The following CCDC77 variants were observed in gnomAD, a reference collection of about 807,000 sequenced individuals.
The protein encoded by CCDC77 is coiled-coil domain containing 77.
In CCDC77, 56 loss-of-function variants were observed where a neutral mutation model predicts 66.8. The observed-to-expected ratio is 0.84, with a 90% CI of 0.68 to 1.05. The LOEUF is 1.05. CCDC77 is among the 50% of genes least tolerant of loss of function. The pLI, the probability that CCDC77 is intolerant of heterozygous loss-of-function variation, is 0.00. For synonymous variants in CCDC77, 196 were observed against 195.2 expected (o/e 1.00, Z -0.03); for missense variants, 570 against 576.8 (o/e 0.99, Z 0.12).
intron 3 of CCDC77, among the ~76,000 whole-genome samples, chr12:410,690 C>T (rs150225089): frequency 0.036 from 5,453 of 151,282 alleles, 278 homozygotes; most frequent in African/African-American, 0.12. Context: ...GGATTACACA[C>T]GCGTGCCACC....
upstream of CCDC77, among the ~76,000 whole-genome samples, chr12:401,254 G>T (rs575734739): frequency 6.6e-5 from 10 of 152,328 alleles, no homozygotes; most frequent in African/African-American, 2.4e-4. Context: ...ACTTTTCTTA[G>T]AATCTTTATC....
At chr12:410,246 CTCT>C (rs1591965031) in intron 3 of CCDC77, among the ~76,000 whole-genome samples, 2 of 148,790 alleles carry the variant, frequency 1.3e-5, no homozygotes, top group African/African-American at 2.5e-5. Context: ...AGGAGGGTTT[CTCT>C]TCTTCTGTAC....
intron 9 of CCDC77, among the ~76,000 whole-genome samples, chr12:434,662 C>G (rs529137973): frequency 6.6e-6 from 1 of 152,164 alleles, no homozygotes; most frequent in Non-Finnish European, 1.5e-5. Flanking sequence ...TACCTCTTAA[C>G]TTCTGAGACC....
chr12:409,998 A>C (rs890116060), intron 3 of CCDC77, among the ~76,000 whole-genome samples: 1 of 140,162 alleles, frequency 7.1e-6, no homozygotes, highest in Admixed American at 7.2e-5. Flanking sequence ...ACTCCATCTC[A>C]AAAAAAAAAA....
rs546331502 is a variant in CCDC77 at position 434,840 on chromosome 12, G to A, written c.821+1518G>A. ...TTCACCCTTTTGCCTGGTTCCAGTGGCCAGACCTATGCCATAAGGACATCC... is the reference window on the plus strand; with the variant it reads ...TTCACCCTTTTGCCTGGTTCCAGTGACCAGACCTATGCCATAAGGACATCC... On this transcript the variant is annotated intron_variant, in intron 9 of 12. Coordinates refer to ENST00000239830, the MANE Select transcript of CCDC77 (RefSeq NM_032358.4). Among the ~76,000 whole-genome samples, 3 of 152,290 alleles carry A rather than the reference G, an allele frequency of 2.0e-5. No homozygotes were observed. In the East Asian group the frequency reaches 5.8e-4, roughly 29 times the overall value.
At chr12:402,876 T>C (rs902975718) in intron 1 of CCDC77, among the ~76,000 whole-genome samples, 3 of 152,142 alleles carry the variant, frequency 2.0e-5, no homozygotes, top group African/African-American at 7.2e-5. Flanking sequence ...AGTTGCCAAC[T>C]CCCGGTTGCT....
Position 423,470 on chromosome 12 carries a change from G to GTGTTTTTTT in CCDC77, c.413+4835_413+4836insGTTTTTTTT, listed in dbSNP as rs1565572116. Among the ~76,000 whole-genome samples the GTGTTTTTTT allele has an allele frequency of 3.1e-4, 14 of 44,876 alleles. 3 individuals carry two copies. The East Asian group carries it at 4.5e-3, about 15-fold the overall frequency. 29.4% of individuals were successfully genotyped at this position (44,876 alleles called of 152,430 possible). A position where few individuals can be genotyped will look rare whatever the true frequency, so the allele number is the denominator to read the frequency against. ...TTGTTATTTTCTGGGTGTTTTTTGT[G>GTGTTTTTTT]TTTTTTGTGTTTTTTTTTGTTTTGT... On this transcript the variant is annotated intron_variant, in intron 5 of 12. Coordinates refer to ENST00000239830, the MANE Select transcript of CCDC77 (RefSeq NM_032358.4).
chr12:401,542 C>T (rs1944894765), upstream of CCDC77: 1 of 152,274 alleles, frequency 6.6e-6, no homozygotes, highest in African/African-American at 2.4e-5. Flanking sequence ...TGTGAAGGCC[C>T]TTCCCATTGG....
chr12:439,658 T>G (rs949311393), intron 10 of CCDC77, among the ~76,000 whole-genome samples: 2 of 151,618 alleles, frequency 1.3e-5, no homozygotes, highest in African/African-American at 4.9e-5. Context: ...CGGACACCTG[T>G]AATCCCAGCT....
chr12:399,290 G>A (rs2369278), upstream of CCDC77, among the ~76,000 whole-genome samples: 106,376 of 151,878 alleles, frequency 0.7, 37,760 homozygotes, highest in Admixed American at 0.8. Flanking sequence ...TCCTGCCTCA[G>A]CCTCCTGAGT....
At chr12:395,171 T>A (rs775821923) in intron 1 of CCDC77, 5 of 152,222 alleles carry the variant, frequency 3.3e-5, no homozygotes, top group Non-Finnish European at 7.3e-5. Context: ...CTCAAACTTC[T>A]GGGCTGAAGC....
chr12:413,810 T>A (rs1277365397), intron 4 of CCDC77, among the ~76,000 whole-genome samples: 2 of 151,316 alleles, frequency 1.3e-5, no homozygotes, highest in Middle Eastern at 3.4e-3. Context: ...TGTATTTTAG[T>A]AGAGGCAGGG....
chr12:391,372 T>C (rs1237300276), intron 1 of CCDC77, among the ~76,000 whole-genome samples: 1 of 152,054 alleles, frequency 6.6e-6, no homozygotes, highest in Non-Finnish European at 1.5e-5. Flanking sequence ...GGAGAATTGC[T>C]TGAACCCAGG....
At chr12:430,235 C>T (rs576175849) in intron 6 of CCDC77, among the ~76,000 whole-genome samples, 16 of 152,118 alleles carry the variant, frequency 1.1e-4, no homozygotes, top group Non-Finnish European at 1.6e-4. Flanking sequence ...TCAGGTGATC[C>T]GCCCACCTTG....
chr12:418,979 G>A (rs1248110526), intron 5 of CCDC77: 4 of 218,688 alleles, frequency 1.8e-5, no homozygotes, highest in South Asian at 1.7e-4. Flanking sequence ...GATTACAAGC[G>A]TGAACCACCA....
chr12:416,369 G>GTA (rs1945271698), intron 4 of CCDC77, among the ~76,000 whole-genome samples: 4 of 29,326 alleles, frequency 1.4e-4, no homozygotes, highest in African/African-American at 4.3e-4. Context: ...GTGTGTGTGT[G>GTA]TGTGTGTGTA....
At position 415,305 on chromosome 12, in the gene CCDC77, A is replaced by ATTATGTTAATATAATCAAC. The variant is rs1565567834; in HGVS notation, c.271-3189_271-3188insTTATGTTAATATAATCAAC. On this transcript the variant is annotated intron_variant, in intron 4 of 12. Transcript: ENST00000239830. The stretch of plus-strand genomic sequence containing the variant: ...AATATTATGTTAATATAATCAACAT[A>ATTATGTTAATATAATCAAC]ATATTATGTTAATATAATCAACATA... Among the ~76,000 whole-genome samples the ATTATGTTAATATAATCAAC allele has an allele frequency of 1.0e-4, 10 of 99,644 alleles. 1 individual carries two copies. The highest frequency in any genetic ancestry group is 3.7e-4 in the African/African-American group (7 of 18,988). The allele number at this position is 99,644 out of a possible 152,430, so 65.4% of individuals were successfully genotyped here.
intron 4 of CCDC77, among the ~76,000 whole-genome samples, chr12:415,296 AATCAACATAATATTAT>A (rs1945205497): frequency 8.5e-6 from 1 of 117,532 alleles, no homozygotes; most frequent in South Asian, 2.8e-4. Context: ...ATGTTAATAT[AATCAACATAATATTAT>A]GTTAATATAA....
chr12:439,763 A>G (rs1445075766), intron 10 of CCDC77, among the ~76,000 whole-genome samples: 2 of 151,754 alleles, frequency 1.3e-5, no homozygotes, highest in African/African-American at 2.4e-5. Flanking sequence ...CCAGTGACAG[A>G]GCAAGGACTC....
Sources: gnomAD v4.1 joint callset for allele counts (sites outside exome capture counted in the v4.1 genomes callset) on GRCh38, gnomAD v4.1.1 for gene constraint, MANE v1.5 for transcripts, NCBI Gene and HGNC (gene_info 2026-07-23, HGNC 2026-07-21) for gene names.